The following ABCD2 variants were observed in gnomAD, a reference collection of about 807,000 sequenced individuals.
ABCD2 encodes the protein ATP-binding cassette sub-family D member 2.
In ABCD2, 36 loss-of-function variants were observed where a neutral mutation model predicts 70.9. The ratio of observed to expected loss-of-function variants is 0.51; its 90% CI spans 0.39 to 0.67. The LOEUF (loss-of-function observed/expected upper bound fraction) is 0.67, where lower values mean the gene tolerates loss of function less well. Ranked by LOEUF, ABCD2 falls within the 30% of genes least tolerant of loss-of-function variation. ABCD2 has a pLI of 0.00. For missense variants in ABCD2, 729 were observed against 890.2 expected (o/e 0.82, Z 2.30); for synonymous variants, 304 against 306.9 (o/e 0.99, Z 0.10).
At chr12:39,584,150 T>A (rs1941634244) in intron 7 of ABCD2, among the ~76,000 whole-genome samples, 1 of 152,200 alleles carries the variant, frequency 6.6e-6, no homozygotes, top group African/African-American at 2.4e-5. Context: ...ATAAGTGTTC[T>A]CTTTTTCCCA....
chr12:39,600,526 G>A (rs1357901629), intron 6 of ABCD2, 45 bp downstream of exon 6: 1 of 1,490,782 alleles, frequency 6.7e-7, no homozygotes, highest in Non-Finnish European at 9.1e-7. Context: ...GACAATTCAA[G>A]AGCAAAAGGA....
chr12:39,564,545 G>C (rs182618281), intron 9 of ABCD2, among the ~76,000 whole-genome samples: 29 of 152,270 alleles, frequency 1.9e-4, no homozygotes, highest in Admixed American at 5.9e-4. Context: ...TGTCAGATGA[G>C]TAGATTGCAA....
At chr12:39,584,434 T>G (rs540890124) in intron 7 of ABCD2, among the ~76,000 whole-genome samples, 16 of 152,340 alleles carry the variant, frequency 1.1e-4, no homozygotes, top group African/African-American at 3.8e-4. Flanking sequence ...GTCAGATGCA[T>G]AATTTGCAAA....
chr12:39,550,193 A>G lies in ABCD2; in HGVS notation c.*3719T>C, dbSNP rs1941068350. 6.6e-6 allele frequency: 1 copy of G among 151,778 alleles called. No individual in the cohort carries two copies. Among genetic ancestry groups the G allele is most frequent in the South Asian group, 2.1e-4 (1 of 4,824 alleles). The allele number at this position is 151,778 out of a possible 1,614,324, so 9.4% of individuals were successfully genotyped here. A position where few individuals can be genotyped will look rare whatever the true frequency, so the allele number is the denominator to read the frequency against. The stretch of plus-strand genomic sequence containing the variant: ...TCTACACACGGTTATATACAATACA[A>G]TGTCTAAGTAAGGCGTATATAGACA... On this transcript the variant is annotated 3_prime_UTR_variant, in exon 10 of 10. Coordinates refer to ENST00000308666, the MANE Select transcript of ABCD2 (RefSeq NM_005164.4).
chr12:39,586,804 A>G (rs1213460153), intron 6 of ABCD2, among the ~76,000 whole-genome samples: 1 of 152,236 alleles, frequency 6.6e-6, no homozygotes, highest in Non-Finnish European at 1.5e-5. Flanking sequence ...ATATTATACA[A>G]TTTGGGTTTC....
chr12:39,566,860 C>G (rs1300648994), intron 9 of ABCD2, among the ~76,000 whole-genome samples: 1 of 152,172 alleles, frequency 6.6e-6, no homozygotes, highest in Non-Finnish European at 1.5e-5. Context: ...CAAAGAATAT[C>G]TTTATTTCTG....
intron 7 of ABCD2, 46 bp from the exon 8 acceptor site, chr12:39,579,665 A>C (rs999290086): frequency 7.0e-7 from 1 of 1,428,748 alleles, no homozygotes; most frequent in South Asian, 1.2e-5. Flanking sequence ...CATTTGTTTA[A>C]TTGTTACTAT....
At chr12:39,576,171 T>C (rs1941513449) in intron 8 of ABCD2, among the ~76,000 whole-genome samples, 1 of 152,142 alleles carries the variant, frequency 6.6e-6, no homozygotes, top group Non-Finnish European at 1.5e-5. Flanking sequence ...GTTGTTGTTG[T>C]TGTTTTTGAG....
chr12:39,596,362 A>G (rs557777718), intron 6 of ABCD2, among the ~76,000 whole-genome samples: 4 of 152,324 alleles, frequency 2.6e-5, no homozygotes, highest in Middle Eastern at 6.8e-3. Flanking sequence ...ATTTATAACT[A>G]AATGATACAT....
chr12:39,571,000 C>T (rs143160116), intron 9 of ABCD2, among the ~76,000 whole-genome samples: 190 of 151,674 alleles, frequency 1.3e-3, no homozygotes, highest in African/African-American at 4.5e-3. Context: ...AAAAAATGCT[C>T]AACAACACTA....
intron 9 of ABCD2, among the ~76,000 whole-genome samples, chr12:39,564,948 G>A (rs1442869778): frequency 7.2e-5 from 11 of 152,188 alleles, no homozygotes; most frequent in Admixed American, 2.6e-4. Context: ...GTAGATATGC[G>A]GCATTATTTC....
intron 6 of ABCD2, among the ~76,000 whole-genome samples, chr12:39,591,840 C>A (rs890789712): frequency 6.6e-6 from 1 of 152,024 alleles, no homozygotes; most frequent in Non-Finnish European, 1.5e-5. Flanking sequence ...ATTTAAATTG[C>A]TGATATTTGA....
At chr12:39,615,219 A>G (rs556969948) in intron 2 of ABCD2, among the ~76,000 whole-genome samples, 89 of 152,092 alleles carry the variant, frequency 5.9e-4, no homozygotes, top group African/African-American at 2.1e-3. Flanking sequence ...TAATAACACC[A>G]GTGTGTCCAA....
chr12:39,534,756 GAAAGAGAAAGAAAGAA>G, the ABCD2 span, among the ~76,000 whole-genome samples: 218 of 77,254 alleles, frequency 2.8e-3, 1 homozygote, highest in African/African-American at 8.1e-3. Flanking sequence ...AGGAAAGAAA[GAAAGAGAAAGAAAGAA>G]AGAAAGAAAG....
At chr12:39,555,853 C>A (rs553023913) in intron 9 of ABCD2, among the ~76,000 whole-genome samples, 2,091 of 152,232 alleles carry the variant, frequency 0.014, 59 homozygotes, top group African/African-American at 0.047. Context: ...CCCACAGTGG[C>A]AGGCAGGACT....
chr12:39,556,630 C>G (rs1289496510), intron 9 of ABCD2, among the ~76,000 whole-genome samples: 1 of 152,158 alleles, frequency 6.6e-6, no homozygotes, highest in Non-Finnish European at 1.5e-5. Context: ...TAGGGCAGTT[C>G]TTTATAGCGA....
chr12:39,579,921 T>A (rs1385692741), intron 7 of ABCD2, among the ~76,000 whole-genome samples: 2 of 152,184 alleles, frequency 1.3e-5, no homozygotes, highest in Non-Finnish European at 2.9e-5. Context: ...AGGCTTATAC[T>A]TATCTTGGAG....
chr12:39,532,357 T>G, the ABCD2 span, among the ~76,000 whole-genome samples: 1 of 152,210 alleles, frequency 6.6e-6, no homozygotes, highest in Non-Finnish European at 1.5e-5. Context: ...CATCTGACAT[T>G]TGAAAAGCTG....
At chr12:39,537,607 T>A in the ABCD2 span, among the ~76,000 whole-genome samples, 1 of 152,216 alleles carries the variant, frequency 6.6e-6, no homozygotes. Context: ...TCAATCATTA[T>A]CAGAATGACA....
Sources: gnomAD v4.1 joint callset for allele counts (sites outside exome capture counted in the v4.1 genomes callset) on GRCh38, gnomAD v4.1.1 for gene constraint, MANE v1.5 for transcripts, NCBI Gene and HGNC (gene_info 2026-07-23, HGNC 2026-07-21) for gene names.